SKP1: variants seen among roughly 807,000 people sequenced by gnomAD.
SKP1 encodes S-phase kinase associated protein 1.
SKP1 carries 1 observed loss-of-function variant against 21.5 expected under a neutral mutation model. The ratio of observed to expected loss-of-function variants is 0.05; its 90% CI spans 0.02 to 0.22. The LOEUF (loss-of-function observed/expected upper bound fraction) is 0.22, where lower values mean the gene tolerates loss of function less well. Ranked by LOEUF, SKP1 falls within the 10% of genes least tolerant of loss-of-function variation. The pLI is 1.00. For synonymous variants in SKP1, 59 were observed against 59.3 expected (o/e 0.99, Z 0.03); for missense variants, 70 against 192.0 (o/e 0.36, Z 3.76).
chr5:134,164,160 A>C (rs921410519), intron 3 of SKP1, among the ~76,000 whole-genome samples: 3 of 151,894 alleles, frequency 2.0e-5, no homozygotes, highest in African/African-American at 7.3e-5. Context: ...ATCTCTACTC[A>C]AAATACAAAA....
chr5:134,173,860 A>G (rs1761489977), intron 2 of SKP1, 66 bp downstream of exon 2: 1 of 895,084 alleles, frequency 1.1e-6, no homozygotes, highest in South Asian at 1.3e-5. Flanking sequence ...GCTCATATAA[A>G]TTTGATATTC....
chr5:134,154,082 T>C lies in SKP1; in HGVS notation c.*3651A>G, dbSNP rs915959838. ...ATAAGAACTGTAAAGCAGTATCTAT[T>C]TTGTATACCAAGAATAGATTAAGGC... On this transcript the variant is annotated 3_prime_UTR_variant, in exon 6 of 6. Coordinates refer to ENST00000353411, the MANE Select transcript of SKP1 (RefSeq NM_170679.3). 1 of 152,226 alleles carries C rather than the reference T, an allele frequency of 6.6e-6. No individual in the cohort carries two copies. The allele number at this position is 152,226 out of a possible 1,614,324, so 9.4% of individuals were successfully genotyped here. A position where few individuals can be genotyped will look rare whatever the true frequency, so the allele number is the denominator to read the frequency against.
intron 4 of SKP1, 168 bp from the exon 5 acceptor site, chr5:134,158,763 A>AC: frequency 1.6e-6 from 1 of 641,718 alleles, no homozygotes. Context: ...CTTTTATGTG[A>AC]CCTTCTTTGT....
chr5:134,158,763 A>C, intron 4 of SKP1, 168 bp from the exon 5 acceptor site: 2 of 641,718 alleles, frequency 3.1e-6, no homozygotes, highest in East Asian at 2.7e-5. Context: ...CTTTTATGTG[A>C]CCTTCTTTGT....
chr5:134,171,480 T>G (rs1255079724), intron 2 of SKP1, among the ~76,000 whole-genome samples: 1 of 152,210 alleles, frequency 6.6e-6, no homozygotes, highest in African/African-American at 2.4e-5. Flanking sequence ...AGTCTACTTA[T>G]CTCTAGCAGT....
intron 5 of SKP1, 99 bp downstream of exon 5, chr5:134,158,356 C>G: frequency 1.2e-6 from 2 of 1,603,254 alleles, no homozygotes; most frequent in Non-Finnish European, 1.7e-6. Context: ...CCTAAAGTAT[C>G]AAGACTACTT....
intron 2 of SKP1, among the ~76,000 whole-genome samples, chr5:134,172,247 G>A (rs1393139483): frequency 1.3e-5 from 2 of 152,194 alleles, no homozygotes; most frequent in African/African-American, 2.4e-5. Context: ...CAAGGGCAAA[G>A]GCCATGTCTC....
intron 4 of SKP1, among the ~76,000 whole-genome samples, chr5:134,160,703 C>T (rs73791507): frequency 3.0e-4 from 46 of 152,152 alleles, no homozygotes; most frequent in Non-Finnish European, 2.1e-4. Context: ...GTTAGTGTAC[C>T]GTATCTTCTT....
intron 2 of SKP1, chr5:134,171,178 C>T (rs995009961): frequency 5.5e-6 from 2 of 366,144 alleles, no homozygotes; most frequent in South Asian, 4.2e-5. Context: ...AAGTCACCCA[C>T]TTAGAAAACA....
intron 3 of SKP1, among the ~76,000 whole-genome samples, chr5:134,163,154 G>T (rs1325009458): frequency 1.5e-5 from 2 of 134,840 alleles, no homozygotes; most frequent in African/African-American, 5.7e-5. Flanking sequence ...GGCTGAGGCT[G>T]TAGTGAGCCA....
At chr5:134,175,615 T>C (rs1469136753) in intron 1 of SKP1, 1 of 152,228 alleles carries the variant, frequency 6.6e-6, no homozygotes, top group Non-Finnish European at 1.5e-5. Context: ...TTCATATTTC[T>C]TTCAAATAAC....
intron 2 of SKP1, among the ~76,000 whole-genome samples, chr5:134,169,451 AAG>A (rs535468034): frequency 5.6e-4 from 85 of 152,344 alleles, no homozygotes; most frequent in Middle Eastern, 6.8e-3. Context: ...AGGTGAGAGA[AAG>A]AAGTTATAAA....
chr5:134,159,579 G>A lies in SKP1; in HGVS notation c.316-984C>T, dbSNP rs181895898. ...TTTTTTTTTTTTGAGACGAAGTCTC[G>A]CTCTGTCACCCAGGCTGGAGGGCAG... On this transcript the variant is annotated intron_variant, in intron 4 of 5. Transcript: ENST00000353411. Among the ~76,000 whole-genome samples, 126 of 145,278 alleles carry A rather than the reference G, an allele frequency of 8.7e-4. 3 individuals are homozygous for A. The East Asian group carries it at 0.021, about 24-fold the overall frequency.
At chr5:134,167,476 T>C (rs1465487691) in intron 2 of SKP1, among the ~76,000 whole-genome samples, 2 of 152,124 alleles carry the variant, frequency 1.3e-5, no homozygotes, top group Admixed American at 1.3e-4. Flanking sequence ...GTATAAAAAC[T>C]ATTTGCATAG....
At position 134,173,913 on chromosome 5, in the gene SKP1, C is replaced by T. The variant is rs773789601; in HGVS notation, c.97+13G>A. On this transcript the variant is annotated intron_variant, in intron 2 of 5. Coordinates refer to ENST00000353411, the MANE Select transcript of SKP1 (RefSeq NM_170679.3). ...ACACATTTCCTCCCACCCAGGTTTT[C>T]CAATGAACTTACCTTCCAACATGGT... The T allele has an allele frequency of 6.8e-7, 1 of 1,475,408 alleles. No homozygotes were observed. The highest frequency in any genetic ancestry group is 9.5e-7 in the Non-Finnish European group (1 of 1,053,770). 91.4% of individuals were successfully genotyped at this position (1,475,408 alleles called of 1,614,324 possible). A position where few individuals can be genotyped will look rare whatever the true frequency, so the allele number is the denominator to read the frequency against.
chr5:134,168,781 G>C (rs1486318834), intron 2 of SKP1, among the ~76,000 whole-genome samples: 2 of 151,708 alleles, frequency 1.3e-5, no homozygotes, highest in Non-Finnish European at 2.9e-5. Flanking sequence ...AAAGGATGAA[G>C]TTGCCACCAA....
At chr5:134,164,932 G>C (rs571670652) in intron 3 of SKP1, among the ~76,000 whole-genome samples, 1 of 152,126 alleles carries the variant, frequency 6.6e-6, no homozygotes, top group South Asian at 2.1e-4. Context: ...AAATAAGCCA[G>C]ATACAAAAGG....
At chr5:134,164,655 G>A (rs76183756) in intron 3 of SKP1, among the ~76,000 whole-genome samples, 9 of 152,170 alleles carry the variant, frequency 5.9e-5, no homozygotes, top group Admixed American at 2.6e-4. Context: ...AATAGAATAC[G>A]TTAATTGCAA....
chr5:134,176,275 G>A (rs1761543957), intron 1 of SKP1, among the ~76,000 whole-genome samples: 4 of 152,222 alleles, frequency 2.6e-5, no homozygotes, highest in Admixed American at 2.6e-4. Context: ...GCTATGTGCA[G>A]AAAGCCGGCG....
Sources: gnomAD v4.1 joint callset for allele counts (sites outside exome capture counted in the v4.1 genomes callset) on GRCh38, gnomAD v4.1.1 for gene constraint, MANE v1.5 for transcripts, NCBI Gene and HGNC (gene_info 2026-07-23, HGNC 2026-07-21) for gene names.